The following BACH2 variants were observed in gnomAD, a reference collection of about 807,000 sequenced individuals.
BACH2 encodes the protein BACH transcriptional regulator 2.
A neutral mutation model predicts 61.8 loss-of-function variants in BACH2; 5 were observed. The ratio of observed to expected loss-of-function variants is 0.08; its 90% CI spans 0.04 to 0.17. The LOEUF (loss-of-function observed/expected upper bound fraction) is 0.17. BACH2 is among the 10% of genes least tolerant of loss of function. BACH2 has a pLI of 1.00. For synonymous variants in BACH2, 446 were observed against 440.1 expected, an observed-to-expected ratio of 1.01 and a Z score of -0.17; for missense variants, 824 against 1,091.1, an observed-to-expected ratio of 0.76 and a Z score of 3.45.
chr6:90,065,270 C>CTT (rs71027920), intron 5 of BACH2, among the ~76,000 whole-genome samples: 10,997 of 52,568 alleles, frequency 0.21, 2,565 homozygotes, highest in East Asian at 0.53. Context: ...GCCGCCCCCA[C>CTT]TTTTTTTTTT....
chr6:90,058,181 T>C (rs1426667675), intron 5 of BACH2, among the ~76,000 whole-genome samples: 2 of 152,202 alleles, frequency 1.3e-5, no homozygotes, highest in African/African-American at 4.8e-5. Context: ...GGAAGTCAAA[T>C]TGTCCCTCTT....
intron 3 of BACH2, among the ~76,000 whole-genome samples, chr6:90,222,422 C>CA (rs1454904645): frequency 1.3e-5 from 2 of 152,124 alleles, no homozygotes; most frequent in Admixed American, 1.3e-4. Context: ...ATGGAAGAGT[C>CA]AGAGTCAGAA....
intron 6 of BACH2, among the ~76,000 whole-genome samples, chr6:89,986,262 T>C (rs4053614): frequency 0.15 from 22,806 of 150,696 alleles, 1,768 homozygotes; most frequent in East Asian, 0.17. Flanking sequence ...GCTCATTCCA[T>C]TGTCCAGAAT....
intron 6 of BACH2, among the ~76,000 whole-genome samples, chr6:90,005,276 G>A (rs575321337): frequency 2.6e-5 from 4 of 152,122 alleles, no homozygotes; most frequent in Non-Finnish European, 5.9e-5. Flanking sequence ...TGGCTGTGCT[G>A]GCCCCCTTGA....
chr6:90,182,658 T>G (rs1231133518), intron 4 of BACH2, among the ~76,000 whole-genome samples: 1 of 152,200 alleles, frequency 6.6e-6, no homozygotes, highest in Non-Finnish European at 1.5e-5. Flanking sequence ...TGAGAACGTA[T>G]TAATTCACAA....
intron 4 of BACH2, among the ~76,000 whole-genome samples, chr6:90,127,159 A>G (rs528351974): frequency 6.6e-6 from 1 of 152,356 alleles, no homozygotes; most frequent in Non-Finnish European, 1.5e-5. Flanking sequence ...TTGCATAAAA[A>G]AAAGTAACAC....
chr6:90,053,147 A>G (rs1400024292), intron 5 of BACH2, among the ~76,000 whole-genome samples: 1 of 152,202 alleles, frequency 6.6e-6, no homozygotes, highest in Non-Finnish European at 1.5e-5. Flanking sequence ...CCTCATATAT[A>G]GGGAGTTTTA....
rs563654550 is a variant in BACH2 at position 90,141,430 on chromosome 6, C to G, written c.-161-52321G>C. 4.6e-5 allele frequency among the ~76,000 whole-genome samples: 7 copies of G among 151,974 alleles called. No homozygotes were observed. The East Asian group carries it at 1.4e-3, about 29-fold the overall frequency. On this transcript the variant is annotated intron_variant, in intron 4 of 8. Coordinates refer to ENST00000257749, the MANE Select transcript of BACH2 (RefSeq NM_021813.4). ...TCCTGACCTCAAGTGATCCGCCTGC[C>G]TCGGCATCCCAAAGTGCTGGGATTA...
rs142434923 is a variant in BACH2, at chr6:90,264,018, G to C, written c.-353+7831C>G. 2.0e-4 allele frequency among the ~76,000 whole-genome samples: 30 copies of C among 152,256 alleles called. No homozygotes were observed. In the East Asian group the frequency reaches 4.8e-3, roughly 25 times the overall value. ...GCACCAGGAGAAACTCCTTGGACTAGATAAAGTAAATATTTGAAGAAAATC... is the reference window on the plus strand; with the variant it reads ...GCACCAGGAGAAACTCCTTGGACTACATAAAGTAAATATTTGAAGAAAATC... On this transcript the variant is annotated intron_variant, in intron 2 of 8. Coordinates refer to ENST00000257749, the MANE Select transcript of BACH2 (RefSeq NM_021813.4).
intron 4 of BACH2, among the ~76,000 whole-genome samples, chr6:90,185,366 G>T (rs535130333): frequency 4.1e-4 from 62 of 152,130 alleles, no homozygotes; most frequent in African/African-American, 1.4e-3. Context: ...TCACTAAAAT[G>T]GTGTTTTAAA....
intron 4 of BACH2, among the ~76,000 whole-genome samples, chr6:90,173,913 T>C (rs1767902466): frequency 6.6e-6 from 1 of 152,146 alleles, no homozygotes; most frequent in Non-Finnish European, 1.5e-5. Flanking sequence ...TGTCTTTGAA[T>C]AAAGGAGGCT....
Position 89,930,501 on chromosome 6 carries a change from CG to C in BACH2, c.*1906del, listed in dbSNP as rs1282751618. ...CCACCACCCCATCCCCACATCAAAC[CG>C]TTCAGGACTCTCTTCCCCAGCCGGG... On this transcript the variant is annotated 3_prime_UTR_variant, in exon 9 of 9. Coordinates refer to ENST00000257749, the MANE Select transcript of BACH2 (RefSeq NM_021813.4). 6.5e-6 allele frequency: 1 copy of C among 152,738 alleles called. No homozygotes were observed. Among genetic ancestry groups the C allele is most frequent in the Non-Finnish European group, 1.5e-5 (1 of 68,058 alleles). 9.5% of individuals were successfully genotyped at this position (152,738 alleles called of 1,614,324 possible). A position where few individuals can be genotyped will look rare whatever the true frequency, so the allele number is the denominator to read the frequency against.
At position 90,089,050 on chromosome 6, in the gene BACH2, T is replaced by C. The variant is rs1782048074; in HGVS notation, c.-102A>G. On this transcript the variant is annotated 5_prime_UTR_variant, in exon 5 of 9. The change abolishes an upstream ATG in the 5' untranslated region. Coordinates refer to ENST00000257749, the MANE Select transcript of BACH2 (RefSeq NM_021813.4). Reference sequence around the variant, plus strand: ...GAGATGAGAAGGCTCTGGCAATCCATTCAGACATGGACCCCAAAGTTTTGT... The same window carrying C: ...GAGATGAGAAGGCTCTGGCAATCCACTCAGACATGGACCCCAAAGTTTTGT... 6.6e-6 allele frequency: 1 copy of C among 152,292 alleles called. No individual in the cohort carries two copies. Among genetic ancestry groups the C allele is most frequent in the African/African-American group, 2.4e-5 (1 of 41,438 alleles). 9.4% of individuals were successfully genotyped at this position (152,292 alleles called of 1,614,324 possible). A position where few individuals can be genotyped will look rare whatever the true frequency, so the allele number is the denominator to read the frequency against.
intron 5 of BACH2, among the ~76,000 whole-genome samples, chr6:90,027,699 C>T (rs901170529): frequency 2.6e-5 from 4 of 152,166 alleles, no homozygotes; most frequent in Admixed American, 1.3e-4. Flanking sequence ...CCCTGCTCTC[C>T]TGCTTCCTAG....
rs569545600 is a variant in BACH2, at chr6:90,245,000, C to T, written c.-275+7513G>A. Among the ~76,000 whole-genome samples, 245 of 152,128 alleles carry T rather than the reference C, an allele frequency of 1.6e-3. 1 individual carries two copies. The highest frequency in any genetic ancestry group is 2.4e-4 in the Non-Finnish European group (16 of 68,006). On this transcript the variant is annotated intron_variant, in intron 3 of 8. Transcript: ENST00000257749. ...CCTGAGGTCAGGAGTTCGAGACCAGCTTGGCCAACATGGTGAAACCCTGTC... is the reference window on the plus strand; with the variant it reads ...CCTGAGGTCAGGAGTTCGAGACCAGTTTGGCCAACATGGTGAAACCCTGTC...
intron 5 of BACH2, among the ~76,000 whole-genome samples, chr6:90,061,979 G>A (rs1780706484): frequency 6.6e-6 from 1 of 152,188 alleles, no homozygotes; most frequent in South Asian, 2.1e-4. Context: ...GTAAAGTGGA[G>A]TAGAAGCTAA....
chr6:89,956,436 G>A (rs1774433104), intron 6 of BACH2, among the ~76,000 whole-genome samples: 1 of 152,196 alleles, frequency 6.6e-6, no homozygotes, highest in Admixed American at 6.5e-5. Context: ...GTGTCCGATG[G>A]TGCAAGTCAA....
intron 4 of BACH2, among the ~76,000 whole-genome samples, chr6:90,161,086 CA>C (rs11390042): frequency 6.5e-4 from 68 of 105,190 alleles, no homozygotes; most frequent in East Asian, 2.0e-3. Context: ...GACTCCGTCT[CA>C]AAAAAAAAAA....
intron 4 of BACH2, among the ~76,000 whole-genome samples, chr6:90,166,941 A>G (rs144046871): frequency 0.035 from 5,303 of 151,980 alleles, 139 homozygotes; most frequent in East Asian, 0.088. Flanking sequence ...AGTATTAGGA[A>G]ATATACCTAA....
Sources: gnomAD v4.1 joint callset for allele counts (sites outside exome capture counted in the v4.1 genomes callset) on GRCh38, gnomAD v4.1.1 for gene constraint, MANE v1.5 for transcripts, NCBI Gene and HGNC (gene_info 2026-07-23, HGNC 2026-07-21) for gene names.